CEP128: variants seen among roughly 807,000 people sequenced by gnomAD.
The protein encoded by CEP128 is centrosomal protein 128kDa.
Under a neutral mutation model 156.7 loss-of-function variants are expected in CEP128, and 132 were observed. The ratio of observed to expected loss-of-function variants is 0.84; its 90% confidence interval spans 0.73 to 0.97. The LOEUF is 0.97. CEP128 is among the 50% of genes least tolerant of loss of function. CEP128 has a pLI of 0.00. For synonymous variants in CEP128, 469 were observed against 448.9 expected (o/e 1.04, Z -0.57); for missense variants, 1,252 against 1,281.9 (o/e 0.98, Z 0.36).
chr14:80,583,740 A>G (rs1010037312), intron 19 of CEP128, among the ~76,000 whole-genome samples: 26 of 152,214 alleles, frequency 1.7e-4, no homozygotes, highest in African/African-American at 6.3e-4. Context: ...TGGACTTCCA[A>G]TACATAATTC....
chr14:80,855,314 G>GA (rs1355398034), intron 9 of CEP128, among the ~76,000 whole-genome samples: 3 of 152,096 alleles, frequency 2.0e-5, no homozygotes, highest in Non-Finnish European at 4.4e-5. Context: ...CTAAGAATAA[G>GA]AAAAATAAAG....
rs373814454 is a variant in CEP128, at chr14:80,739,211, CT to C, written c.2806+3863del. Among the ~76,000 whole-genome samples, 1,238 of 151,964 alleles carry C rather than the reference CT, an allele frequency of 8.1e-3. 15 individuals carry two copies. The highest frequency in any genetic ancestry group is 0.01 in the Non-Finnish European group (682 of 67,940). On this transcript the variant is annotated intron_variant, in intron 19 of 24. Coordinates refer to ENST00000555265, the MANE Select transcript of CEP128 (RefSeq NM_152446.5). Reference sequence around the variant, plus strand: ...CTTCTAGACTATGTATATGTTCATCCTTTTTTTTGAGCTTATATAACACAAA... The same window carrying C: ...CTTCTAGACTATGTATATGTTCATCCTTTTTTTGAGCTTATATAACACAAA...
intron 19 of CEP128, among the ~76,000 whole-genome samples, chr14:80,721,159 C>A (rs919113155): frequency 1.3e-5 from 2 of 152,070 alleles, no homozygotes. Context: ...ATTGTAAGAT[C>A]CCTTAAATAA....
At chr14:80,652,670 AT>A (rs1894957736) in intron 19 of CEP128, among the ~76,000 whole-genome samples, 1 of 152,212 alleles carries the variant, frequency 6.6e-6, no homozygotes, top group South Asian at 2.1e-4. Flanking sequence ...AATGTCAATC[AT>A]TAAAAAGTCA....
At chr14:80,509,132 G>T (rs1021234416) in intron 23 of CEP128, among the ~76,000 whole-genome samples, 9 of 152,096 alleles carry the variant, frequency 5.9e-5, no homozygotes, top group African/African-American at 1.9e-4. Flanking sequence ...ATGATCCAAT[G>T]ACCTCCCATT....
rs187428189 is a variant in CEP128, at chr14:80,606,639, T to C, written c.2807-26216A>G. On this transcript the variant is annotated intron_variant, in intron 19 of 24. Transcript: ENST00000555265. ...TGTTTAGATTCCCTAAAGTAGAAAA[T>C]GTTATCTTTGTTTGGGAAACAGAAT... is the stretch of plus-strand genomic sequence containing the variant. 2.0e-5 allele frequency among the ~76,000 whole-genome samples: 3 copies of C among 152,134 alleles called. No individual in the cohort carries two copies. In the East Asian group the frequency reaches 5.8e-4, roughly 29 times the overall value.
chr14:80,588,252 T>C (rs1414081758), intron 19 of CEP128, among the ~76,000 whole-genome samples: 3 of 152,138 alleles, frequency 2.0e-5, no homozygotes, highest in Admixed American at 2.0e-4. Context: ...ATCAGTGATG[T>C]GCACTTAGTT....
At chr14:80,687,809 T>G (rs985530158) in intron 19 of CEP128, among the ~76,000 whole-genome samples, 7 of 152,164 alleles carry the variant, frequency 4.6e-5, no homozygotes, top group African/African-American at 1.4e-4. Context: ...ATCGCACTCA[T>G]GCACGAAAAT....
At chr14:80,763,511 C>T (rs1900072772) in intron 16 of CEP128, among the ~76,000 whole-genome samples, 1 of 152,138 alleles carries the variant, frequency 6.6e-6, no homozygotes, top group South Asian at 2.1e-4. Flanking sequence ...CCCTACTGTT[C>T]CTGTGTATCT....
intron 9 of CEP128, among the ~76,000 whole-genome samples, chr14:80,847,860 C>A (rs1886686893): frequency 6.6e-6 from 1 of 152,176 alleles, no homozygotes; most frequent in South Asian, 2.1e-4. Flanking sequence ...AATCCCTAGT[C>A]CCCAGCGCAG....
At chr14:80,517,590 A>G (rs1888547325) in intron 23 of CEP128, among the ~76,000 whole-genome samples, 1 of 152,172 alleles carries the variant, frequency 6.6e-6, no homozygotes, top group South Asian at 2.1e-4. Context: ...GACAACATAT[A>G]TTGTATAATT....
chr14:80,831,176 G>A lies in CEP128; in HGVS notation c.1176C>T (p.Asp392=). 1 of 1,613,892 alleles carries A rather than the reference G, an allele frequency of 6.2e-7. No homozygotes were observed. Among genetic ancestry groups the A allele is most frequent in the African/African-American group, 1.3e-5 (1 of 74,982 alleles). Residue 392 remains aspartate (D), a synonymous_variant, in exon 13 of 25, where the codon GAC becomes GAT. Coordinates refer to ENST00000555265, the MANE Select transcript of CEP128 (RefSeq NM_152446.5). ...GTGATGCCAAATGTGCTTTCTCCTT[G>A]TCTTTTCTCTCCATGCACCGTTTCA... is the stretch of plus-strand genomic sequence containing the variant. ...EEVKRCMERK[D]KEKAHLASQV...
intron 23 of CEP128, chr14:80,526,620 C>T (rs185777906): frequency 9.7e-5 from 28 of 288,252 alleles, no homozygotes; most frequent in Middle Eastern, 1.2e-3. Context: ...CACCAGTTCC[C>T]GTAAACAAGT....
intron 19 of CEP128, among the ~76,000 whole-genome samples, chr14:80,628,136 C>T (rs1893809440): frequency 6.6e-6 from 1 of 152,128 alleles, no homozygotes; most frequent in Non-Finnish European, 1.5e-5. Context: ...AAACTAACCT[C>T]CAAAGGGAAA....
At chr14:80,832,164 G>A (rs2140048401) in intron 12 of CEP128, among the ~76,000 whole-genome samples, 1 of 152,262 alleles carries the variant, frequency 6.6e-6, no homozygotes, top group South Asian at 2.1e-4. Flanking sequence ...CATCATGATT[G>A]TGAGGCCTCT....
rs148350939 is a variant in CEP128 at position 80,536,073 on chromosome 14, G to A, written c.2881-5187C>T. Among the ~76,000 whole-genome samples, 156 of 152,276 alleles carry A rather than the reference G, an allele frequency of 1.0e-3. 7 individuals are homozygous for A. In the South Asian group the frequency reaches 0.02, roughly 19 times the overall value. Reference sequence around the variant, plus strand: ...CACCAAACTCCTATGAAGTTCAGCTGTCTGTACTGTTCCACAGTACATTTT... The same window carrying A: ...CACCAAACTCCTATGAAGTTCAGCTATCTGTACTGTTCCACAGTACATTTT... On this transcript the variant is annotated intron_variant, in intron 21 of 24. Transcript: ENST00000555265.
At chr14:80,570,406 G>C (rs1015763511) in intron 20 of CEP128, among the ~76,000 whole-genome samples, 1 of 152,094 alleles carries the variant, frequency 6.6e-6, no homozygotes, top group Non-Finnish European at 1.5e-5. Flanking sequence ...GTGAGTCATC[G>C]TGCCCGGCCC....
At chr14:80,553,870 T>C (rs1440113677) in intron 21 of CEP128, among the ~76,000 whole-genome samples, 1 of 152,220 alleles carries the variant, frequency 6.6e-6, no homozygotes, top group African/African-American at 2.4e-5. Flanking sequence ...ATATCAATTT[T>C]ACTGCACTGG....
chr14:80,497,689 T>A, intron 24 of CEP128, 107 bp from the exon 25 acceptor site: 1 of 692,912 alleles, frequency 1.4e-6, no homozygotes, highest in East Asian at 2.8e-5. Flanking sequence ...TTTGATCGAG[T>A]TTTCTATAAT....
Sources: gnomAD v4.1 joint callset for allele counts (sites outside exome capture counted in the v4.1 genomes callset) on GRCh38, gnomAD v4.1.1 for gene constraint, MANE v1.5 for transcripts, NCBI Gene and HGNC (gene_info 2026-07-23, HGNC 2026-07-21) for gene names.